The following CFAP47 variants were observed in gnomAD, a reference collection of about 807,000 sequenced individuals.
The protein encoded by CFAP47 is cilia and flagella associated protein 47.
A neutral mutation model predicts 148.1 loss-of-function variants in CFAP47; 29 were observed. That is an observed-to-expected ratio of 0.20 (90% CI 0.15 to 0.27). The LOEUF is 0.27. Among genes scored for constraint, CFAP47 ranks in the 10% least tolerant of loss-of-function variants. CFAP47 has a pLI of 1.00. For missense variants in CFAP47, 1,872 were observed against 1,697.5 expected, an observed-to-expected ratio of 1.10 and a Z score of -1.81; for synonymous variants, 664 against 577.3, an observed-to-expected ratio of 1.15 and a Z score of -2.15.
At position 36,207,108 on chromosome X, in the gene CFAP47, T is replaced by G. The variant is rs142918607; in HGVS notation, c.6817+1998T>G. On this transcript the variant is annotated intron_variant, in intron 45 of 63. Coordinates refer to ENST00000378653, the MANE Select transcript of CFAP47 (RefSeq NM_001304548.2). ...GCCCTAAACTCTGTGCATTCTGCTG[T>G]TCAGAGGTGGACTTGAATAATGAAA... Among the ~76,000 whole-genome samples, 641 of 112,070 alleles carry G rather than the reference T, an allele frequency of 5.7e-3. 7 individuals carry two copies. The highest frequency in any genetic ancestry group is 0.019 in the African/African-American group (589 of 30,927).
intron 48 of CFAP47, among the ~76,000 whole-genome samples, chrX:36,248,367 G>A (rs1940647026): frequency 9.7e-6 from 1 of 103,254 alleles, no homozygotes; most frequent in Non-Finnish European, 2.0e-5. Flanking sequence ...TATAATATGT[G>A]TGTATATATA....
chrX:35,944,125 C>T (rs1449883940), intron 3 of CFAP47, among the ~76,000 whole-genome samples: 1 of 111,192 alleles, frequency 9.0e-6, no homozygotes, highest in Non-Finnish European at 1.9e-5. Flanking sequence ...TCAGCAGCAT[C>T]ATTTCTCTAC....
intron 63 of CFAP47, 75 bp from the exon 64 acceptor site, chrX:36,384,722 T>C (rs1326608946): frequency 1.4e-6 from 1 of 725,724 alleles, no homozygotes; most frequent in Non-Finnish European, 2.1e-6. Context: ...AGATGTTAAT[T>C]ATAGTGAACT....
At chrX:36,374,353 G>A (rs1444064966) in intron 62 of CFAP47, among the ~76,000 whole-genome samples, 2 of 110,352 alleles carry the variant, frequency 1.8e-5, no homozygotes, top group African/African-American at 6.6e-5. Context: ...TAGTCATTAT[G>A]TTCCTTTATA....
intron 22 of CFAP47, among the ~76,000 whole-genome samples, chrX:36,028,255 A>G (rs764514363): frequency 9.0e-5 from 10 of 110,985 alleles, no homozygotes; most frequent in Non-Finnish European, 1.3e-4. Flanking sequence ...AGCTTCTTCT[A>G]TGTTTTCTTG....
chrX:36,254,427 T>C (rs1428435199), intron 49 of CFAP47, among the ~76,000 whole-genome samples: 1 of 110,870 alleles, frequency 9.0e-6, no homozygotes, highest in African/African-American at 3.3e-5. Flanking sequence ...CTGGGAGCCA[T>C]TGAAGATTGC....
intron 4 of CFAP47, 122 bp downstream of exon 4, chrX:35,948,574 T>A: frequency 1.8e-6 from 1 of 559,353 alleles, no homozygotes; most frequent in Non-Finnish European, 2.8e-6. Flanking sequence ...CGTTGTTCAT[T>A]GAGTCTCTAC....
intron 57 of CFAP47, among the ~76,000 whole-genome samples, chrX:36,339,362 GT>G (rs1196220018): frequency 9.0e-6 from 1 of 111,600 alleles, no homozygotes; most frequent in Admixed American, 9.5e-5. Flanking sequence ...AATAAGGTAT[GT>G]TAGTTATAGT....
At chrX:35,974,655 A>C (rs1445354549) in intron 13 of CFAP47, among the ~76,000 whole-genome samples, 1 of 112,180 alleles carries the variant, frequency 8.9e-6, no homozygotes, top group Non-Finnish European at 1.9e-5. Context: ...TTTACTTACT[A>C]TATGCCAGTT....
chrX:35,945,411 A>G (rs1363324937), intron 3 of CFAP47, among the ~76,000 whole-genome samples: 1 of 110,929 alleles, frequency 9.0e-6, no homozygotes, highest in Non-Finnish European at 1.9e-5. Flanking sequence ...CTCTCCTTGG[A>G]CCATCACTTC....
chrX:36,348,452 A>G (rs1187184602), intron 58 of CFAP47, among the ~76,000 whole-genome samples, 164 bp downstream of exon 58: 1 of 110,627 alleles, frequency 9.0e-6, no homozygotes, highest in African/African-American at 3.3e-5. Flanking sequence ...TATATTTGTC[A>G]TGTGGATATA....
intron 46 of CFAP47, among the ~76,000 whole-genome samples, chrX:36,231,208 G>A (rs1327805708): frequency 1.2e-4 from 13 of 111,017 alleles, no homozygotes; most frequent in Non-Finnish European, 2.5e-4. Flanking sequence ...TGGGCAGTAT[G>A]GCCATTTTCA....
At chrX:36,116,038 A>T (rs896157716) in intron 33 of CFAP47, among the ~76,000 whole-genome samples, 1 of 111,982 alleles carries the variant, frequency 8.9e-6, no homozygotes, top group Admixed American at 9.5e-5. Flanking sequence ...TCACACTGTA[A>T]CCGTTGCAGT....
chrX:36,104,504 G>T lies in CFAP47; in HGVS notation c.5133G>T (p.Leu1711Phe), dbSNP rs746671745. Residue 1711 changes from leucine (L) to phenylalanine (F), a missense_variant, in exon 33 of 64, where the codon TTG becomes TTT. Coordinates refer to ENST00000378653, the MANE Select transcript of CFAP47 (RefSeq NM_001304548.2). The part of the protein sequence containing the change: ...TDVFLQIYKV[L>F]VLSRVVPYCS... ...GTTATCTCTCCCAATTTCAGGTTTTGGTTCTATCCCGTGTAGTGCCATACT... is the reference window on the plus strand; with the variant it reads ...GTTATCTCTCCCAATTTCAGGTTTTTGTTCTATCCCGTGTAGTGCCATACT... The T allele has an allele frequency of 2.5e-6, 2 of 808,403 alleles. No individual in the cohort carries two copies. Among genetic ancestry groups the T allele is most frequent in the Non-Finnish European group, 3.3e-6 (2 of 597,939 alleles). The allele number at this position is 808,403 out of a possible 1,213,427, so 66.6% of individuals were successfully genotyped here.
intron 46 of CFAP47, among the ~76,000 whole-genome samples, chrX:36,229,433 T>C (rs1940311506): frequency 9.0e-6 from 1 of 111,143 alleles, no homozygotes; most frequent in African/African-American, 3.3e-5. Context: ...AAGTAAAGTG[T>C]GTCCTCTAAG....
In CFAP47 at chrX:35,995,230, A is replaced by T. The variant is rs769097889; in HGVS notation, c.3099+1909A>T. The stretch of plus-strand genomic sequence containing the variant: ...CAATGCAGACATAAGAAACTTAAAG[A>T]TTAACATGACTAGATTATACTACCA... On this transcript the variant is annotated intron_variant, in intron 18 of 63. Coordinates refer to ENST00000378653, the MANE Select transcript of CFAP47 (RefSeq NM_001304548.2). Among the ~76,000 whole-genome samples, 11 of 111,742 alleles carry T rather than the reference A, an allele frequency of 9.8e-5. No homozygotes were observed. The South Asian group carries it at 1.1e-3, about 11-fold the overall frequency.
intron 32 of CFAP47, among the ~76,000 whole-genome samples, chrX:36,101,901 TA>T (rs1938382820): frequency 9.0e-6 from 1 of 111,634 alleles, no homozygotes; most frequent in Non-Finnish European, 1.9e-5. Flanking sequence ...TAATAAACAA[TA>T]AGCCAAATAT....
chrX:36,030,529 C>T (rs964912040), intron 22 of CFAP47, among the ~76,000 whole-genome samples: 1 of 110,813 alleles, frequency 9.0e-6, no homozygotes, highest in Non-Finnish European at 1.9e-5. Context: ...TTTCTCCTAT[C>T]CCACATGTCC....
At chrX:36,290,989 A>G (rs1941187361) in intron 51 of CFAP47, among the ~76,000 whole-genome samples, 1 of 112,465 alleles carries the variant, frequency 8.9e-6, no homozygotes, top group African/African-American at 3.2e-5. Context: ...AATATCTAAA[A>G]CAAGAGTATG....
Sources: allele counts gnomAD v4.1 joint callset (sites outside exome capture counted in the v4.1 genomes callset), GRCh38; gene constraint gnomAD v4.1.1; transcripts MANE v1.5; gene names NCBI Gene and HGNC (gene_info 2026-07-23, HGNC 2026-07-21).